The following LRRIQ3 variants were observed in gnomAD, a reference collection of about 807,000 sequenced individuals.
LRRIQ3 encodes leucine rich repeats and IQ motif containing 3, also known as leucine-rich repeat and IQ domain-containing protein 3.
LRRIQ3 carries 75 observed loss-of-function variants against 59.3 expected under a neutral mutation model. That is an observed-to-expected ratio of 1.26 (90% CI 1.05 to 1.53). The LOEUF (loss-of-function observed/expected upper bound fraction) is 1.53, where lower values mean the gene tolerates loss of function less well. Among genes scored for constraint, LRRIQ3 ranks in the 40% most tolerant of loss-of-function variants. LRRIQ3 has a pLI of 0.00. For missense variants in LRRIQ3, 831 were observed against 710.0 expected, an observed-to-expected ratio of 1.17 and a Z score of -1.94; for synonymous variants, 250 against 231.3, an observed-to-expected ratio of 1.08 and a Z score of -0.73.
At chr1:74,065,357 C>T (rs1204283173) in intron 6 of LRRIQ3, among the ~76,000 whole-genome samples, 2 of 151,912 alleles carry the variant, frequency 1.3e-5, no homozygotes, top group African/African-American at 2.4e-5. Context: ...ATTCCAAGTC[C>T]CCTTAGCATC....
intron 6 of LRRIQ3, among the ~76,000 whole-genome samples, chr1:74,049,200 G>A (rs1271974818): frequency 6.6e-6 from 1 of 152,170 alleles, no homozygotes; most frequent in African/African-American, 2.4e-5. Context: ...TAAGTAAGAG[G>A]AGAGTGGTGC....
At chr1:74,063,277 T>G (rs1286127904) in intron 6 of LRRIQ3, among the ~76,000 whole-genome samples, 1 of 152,108 alleles carries the variant, frequency 6.6e-6, no homozygotes, top group Non-Finnish European at 1.5e-5. Context: ...CATTTCCATC[T>G]TTTAAAATTT....
intron 3 of LRRIQ3, among the ~76,000 whole-genome samples, chr1:74,162,115 T>G (rs745928304): frequency 1.9e-4 from 29 of 152,010 alleles, no homozygotes; most frequent in Non-Finnish European, 2.9e-4. Flanking sequence ...TGGGTTGTTG[T>G]GAGGTTTTAA....
chr1:74,109,702 C>T, intron 4 of LRRIQ3, 149 bp from the exon 5 acceptor site: 1 of 559,230 alleles, frequency 1.8e-6, no homozygotes, highest in Non-Finnish European at 2.8e-6. Flanking sequence ...TTATATAATG[C>T]TACTTAGTAA....
At chr1:74,095,777 T>C (rs1333513243) in intron 5 of LRRIQ3, among the ~76,000 whole-genome samples, 2 of 152,106 alleles carry the variant, frequency 1.3e-5, no homozygotes, top group Non-Finnish European at 2.9e-5. Context: ...TATAAGTTTA[T>C]CCAAAACATT....
Position 74,041,496 on chromosome 1 carries a change from T to C in LRRIQ3, c.1435A>G (p.Ile479Val), listed in dbSNP as rs774469314. The change falls in exon 7 of 8, where the codon ATT becomes GTT. Residue 479 changes from isoleucine to valine, a missense_variant. Physicochemically the swap from Ile to Val is conservative, Grantham distance 29 (BLOSUM62 3). Coordinates refer to ENST00000354431, the MANE Select transcript of LRRIQ3 (RefSeq NM_001105659.2). ...QKLIEENKETIQNSLRQVWQN... is the reference protein window; with the variant it reads ...QKLIEENKETVQNSLRQVWQN... ...CAAACTTGTCGTAAACTGTTCTGAA[T>C]TGTCTCTTTATTTTCTTCAATTAGT... 1 of 1,612,346 alleles carries C rather than the reference T, an allele frequency of 6.2e-7. No individual in the cohort carries two copies. The highest frequency in any genetic ancestry group is 8.5e-7 in the Non-Finnish European group (1 of 1,179,604).
In LRRIQ3 at chr1:74,109,508, T is replaced by C; in HGVS notation, c.753A>G (p.Arg251=). Residue 251 remains arginine, a synonymous_variant, in exon 5 of 8, where the codon AGA becomes AGG. Transcript: ENST00000354431. ...TGTAAATCCATTTTGCTTCATATCC[T>C]CTAATAATTTTTTCCTGCTGTTTTT... ...HKKKQQEKII[R]GYEAKWIYIT... is the part of the protein sequence containing the mutation. The C allele has an allele frequency of 1.3e-6, 2 of 1,567,442 alleles. No homozygotes were observed. The highest frequency in any genetic ancestry group is 1.7e-6 in the Non-Finnish European group (2 of 1,162,230).
intron 5 of LRRIQ3, among the ~76,000 whole-genome samples, chr1:74,077,301 T>A (rs1646220161): frequency 1.3e-5 from 2 of 152,006 alleles, no homozygotes; most frequent in South Asian, 4.1e-4. Flanking sequence ...ATGTTGAAAA[T>A]CACCTCAAAT....
intron 1 of LRRIQ3, among the ~76,000 whole-genome samples, chr1:74,189,548 A>G (rs1650622568): frequency 6.6e-6 from 1 of 152,128 alleles, no homozygotes; most frequent in Admixed American, 6.6e-5. Flanking sequence ...TTGGCACTTA[A>G]TGATATGGTT....
intron 1 of LRRIQ3, among the ~76,000 whole-genome samples, chr1:74,192,608 T>C (rs113030368): frequency 0.022 from 3,379 of 152,220 alleles, 101 homozygotes; most frequent in African/African-American, 0.068. Flanking sequence ...TATATTAATT[T>C]ACATTCATTT....
intron 6 of LRRIQ3, among the ~76,000 whole-genome samples, chr1:74,042,953 C>A (rs1325979412): frequency 6.6e-6 from 1 of 152,052 alleles, no homozygotes; most frequent in South Asian, 2.1e-4. Flanking sequence ...GCCTGCCTGC[C>A]TGAATCACTT....
chr1:74,042,061 T>C, intron 6 of LRRIQ3, 128 bp from the exon 7 acceptor site: 1 of 923,286 alleles, frequency 1.1e-6, no homozygotes, highest in Non-Finnish European at 1.5e-6. Flanking sequence ...TTTTCCCAAG[T>C]ACCTTTTCAA....
At chr1:74,149,353 T>G (rs1570212737) in intron 4 of LRRIQ3, among the ~76,000 whole-genome samples, 2 of 152,222 alleles carry the variant, frequency 1.3e-5, no homozygotes, top group South Asian at 4.1e-4. Flanking sequence ...AATTTTTTAA[T>G]GTATGTACAA....
At chr1:74,139,447 C>T (rs993811930) in intron 4 of LRRIQ3, among the ~76,000 whole-genome samples, 4 of 151,820 alleles carry the variant, frequency 2.6e-5, no homozygotes, top group African/African-American at 7.3e-5. Context: ...CCCATTTGCT[C>T]ACCAAATTCT....
At chr1:74,124,882 C>A (rs550978563) in intron 4 of LRRIQ3, among the ~76,000 whole-genome samples, 1 of 151,798 alleles carries the variant, frequency 6.6e-6, no homozygotes, top group Non-Finnish European at 1.5e-5. Flanking sequence ...ATTGTTTTCT[C>A]TATTTCTGTG....
In LRRIQ3 at chr1:74,084,214, A is replaced by G. The variant is rs1293818687; in HGVS notation, c.868-9424T>C. ...GAAAATTGACCCATAATTTTTTTTT[A>G]TCCTGAAGAAAAATACAGTAATAAA... On this transcript the variant is annotated intron_variant, in intron 5 of 7. Coordinates refer to ENST00000354431, the MANE Select transcript of LRRIQ3 (RefSeq NM_001105659.2). 5 of 1,545,438 alleles carry G rather than the reference A, an allele frequency of 3.2e-6. No individual in the cohort carries two copies. The East Asian group carries it at 7.4e-5, about 23-fold the overall frequency.
intron 5 of LRRIQ3, among the ~76,000 whole-genome samples, chr1:74,099,996 C>G (rs1426662542): frequency 6.6e-6 from 1 of 152,092 alleles, no homozygotes; most frequent in Non-Finnish European, 1.5e-5. Flanking sequence ...AAAACTGGCA[C>G]AAGACAGGGA....
At chr1:74,107,957 G>GA (rs1400374697) in intron 5 of LRRIQ3, among the ~76,000 whole-genome samples, 13 of 151,436 alleles carry the variant, frequency 8.6e-5, no homozygotes, top group Non-Finnish European at 1.8e-4. Flanking sequence ...AATTTATCTT[G>GA]AAAAAACTTC....
At chr1:74,175,047 G>A (rs943041575) in intron 3 of LRRIQ3, among the ~76,000 whole-genome samples, 2 of 152,118 alleles carry the variant, frequency 1.3e-5, no homozygotes, top group Non-Finnish European at 2.9e-5. Flanking sequence ...TCATAGGCTG[G>A]CTTTAGGAAT....
Sources: allele counts gnomAD v4.1 joint callset (sites outside exome capture counted in the v4.1 genomes callset), GRCh38; gene constraint gnomAD v4.1.1; transcripts MANE v1.5; gene names NCBI Gene and HGNC (gene_info 2026-07-23, HGNC 2026-07-21).